Variants in SVIP observed in about 807,000 individuals in gnomAD.
The protein encoded by SVIP is small VCP interacting protein, also known as small VCP/p97-interacting protein.
Under a neutral mutation model 12.9 loss-of-function variants are expected in SVIP, and 14 were observed. The ratio of observed to expected loss-of-function variants is 1.08; its 90% CI spans 0.72 to 1.70. SVIP has a LOEUF of 1.70. SVIP is among the 40% of genes most tolerant of loss of function. SVIP has a pLI of 0.00. For synonymous variants in SVIP, 35 were observed against 33.3 expected (o/e 1.05, Z -0.17); for missense variants, 93 against 90.8 (o/e 1.02, Z -0.10).
chr11:22,829,636 A>T, intron 1 of SVIP, 59 bp downstream of exon 1: 1 of 1,509,512 alleles, frequency 6.6e-7, no homozygotes, highest in Non-Finnish European at 9.0e-7. Context: ...CCCGCCCCGC[A>T]ACCCGAGGAC....
intron 3 of SVIP, among the ~76,000 whole-genome samples, chr11:22,823,619 C>T (rs1475793963): frequency 6.6e-6 from 1 of 152,164 alleles, no homozygotes; most frequent in Non-Finnish European, 1.5e-5. Flanking sequence ...ATGTCATCAA[C>T]CCCAGGCAGT....
chr11:22,826,052 G>A (rs550945634), intron 3 of SVIP, among the ~76,000 whole-genome samples: 2 of 152,118 alleles, frequency 1.3e-5, no homozygotes, highest in East Asian at 1.9e-4. Flanking sequence ...GACCTATTCT[G>A]TTCTATTATG....
rs1857607718 is a variant in SVIP, at chr11:22,824,458, A to ATATG, written c.220-1326_220-1325insCATA. 6.1e-5 allele frequency among the ~76,000 whole-genome samples: 6 copies of ATATG among 99,154 alleles called. No individual in the cohort carries two copies. In the South Asian group the frequency reaches 1.2e-3, roughly 19 times the overall value. The allele number at this position is 99,154 out of a possible 152,430, so 65.0% of individuals were successfully genotyped here. ...TATACACACACACATATATATATAT[A>ATATG]TACACATATATATACGTATATATAT... On this transcript the variant is annotated intron_variant, in intron 3 of 3. Coordinates refer to ENST00000354193, the MANE Select transcript of SVIP (RefSeq NM_148893.3).
chr11:22,829,232 G>A (rs976299822), intron 1 of SVIP: 1 of 155,516 alleles, frequency 6.4e-6, no homozygotes, highest in Non-Finnish European at 1.4e-5. Context: ...ATAAAGCTCA[G>A]GCGTATAAGC....
In SVIP at chr11:22,822,907, G is replaced by C. The variant is rs2134745440; in HGVS notation, c.*212C>G. The C allele has an allele frequency of 2.0e-6, 1 of 494,478 alleles. No homozygotes were observed. The highest frequency in any genetic ancestry group is 2.0e-5 in the African/African-American group (1 of 50,826). The allele number at this position is 494,478 out of a possible 1,614,324, so 30.6% of individuals were successfully genotyped here. On this transcript the variant is annotated 3_prime_UTR_variant, in exon 4 of 4. Transcript: ENST00000354193. ...AGCAAATCACCCACTAACTGCAGAA[G>C]AGCAAATGTAGGAAAATCAGTATTT...
At chr11:22,829,667 G>C in intron 1 of SVIP, 28 bp downstream of exon 1, 1 of 1,567,814 alleles carries the variant, frequency 6.4e-7, no homozygotes. Context: ...GGCGCGGCCC[G>C]GCGGACGCAG....
At chr11:22,824,722 G>A (rs955049820) in intron 3 of SVIP, among the ~76,000 whole-genome samples, 2 of 151,866 alleles carry the variant, frequency 1.3e-5, no homozygotes, top group Non-Finnish European at 2.9e-5. Flanking sequence ...ATCTCTCTTA[G>A]GACAAGTGTT....
Position 22,827,324 on chromosome 11 carries a change from G to C in SVIP, c.106-4C>G, listed in dbSNP as rs747896651. 5.0e-6 allele frequency: 8 copies of C among 1,585,520 alleles called. No homozygotes were observed. The highest frequency in any genetic ancestry group is 5.1e-6 in the Non-Finnish European group (6 of 1,169,980). ...CTAAAATTCCCCGAGATGCAGCCTT[G>C]AAGAAATTTGATAAGAAAAACAGAA... On this transcript the variant is annotated splice_region_variant and splice_polypyrimidine_tract_variant and intron_variant, in intron 2 of 3. Coordinates refer to ENST00000354193, the MANE Select transcript of SVIP (RefSeq NM_148893.3).
At position 22,827,567 on chromosome 11, in the gene SVIP, C is replaced by T. The variant is rs75525085; in HGVS notation, c.106-247G>A. Among the ~76,000 whole-genome samples the T allele has an allele frequency of 3.1e-3, 466 of 152,086 alleles. 5 individuals are homozygous for T. The highest frequency in any genetic ancestry group is 0.022 in the East Asian group (112 of 5,184). On this transcript the variant is annotated intron_variant, in intron 2 of 3. Coordinates refer to ENST00000354193, the MANE Select transcript of SVIP (RefSeq NM_148893.3). ...ACATCTGTAAGTATTTTACAATGCA[C>T]AGCCATTTTAAAAGGAAGGATGTTA...
At position 22,821,113 on chromosome 11, in the gene SVIP, TAC is replaced by T. The variant is rs112854123; in HGVS notation, c.*2004_*2005del. ...TTTGCAGATATTATGTGTATATATA[TAC>T]ACACATATATAATATATATATTATA... On this transcript the variant is annotated 3_prime_UTR_variant, in exon 4 of 4. Coordinates refer to ENST00000354193, the MANE Select transcript of SVIP (RefSeq NM_148893.3). 6.8e-6 allele frequency: 1 copy of T among 147,920 alleles called. No individual in the cohort carries two copies. The highest frequency in any genetic ancestry group is 1.5e-5 in the Non-Finnish European group (1 of 67,230). 9.2% of individuals were successfully genotyped at this position (147,920 alleles called of 1,614,324 possible). A position where few individuals can be genotyped will look rare whatever the true frequency, so the allele number is the denominator to read the frequency against.
At position 22,822,365 on chromosome 11, in the gene SVIP, GATT is replaced by G. The variant is rs1857518220; in HGVS notation, c.*751_*753del. On this transcript the variant is annotated 3_prime_UTR_variant, in exon 4 of 4. Transcript: ENST00000354193. The stretch of plus-strand genomic sequence containing the variant: ...ATTACTACTCATTATAACCCATCCA[GATT>G]ATTAGTTTAACTCATTCAATTACTA... 6.6e-6 allele frequency: 1 copy of G among 152,004 alleles called. No homozygotes were observed. The highest frequency in any genetic ancestry group is 1.5e-5 in the Non-Finnish European group (1 of 67,946). 9.4% of individuals were successfully genotyped at this position (152,004 alleles called of 1,614,324 possible). A position where few individuals can be genotyped will look rare whatever the true frequency, so the allele number is the denominator to read the frequency against.
intron 1 of SVIP, chr11:22,829,422 G>T (rs918742157): frequency 2.9e-5 from 11 of 377,548 alleles, no homozygotes; most frequent in Non-Finnish European, 4.8e-5. Flanking sequence ...ATGAAGATCC[G>T]GCGCAGCTAA....
In SVIP at chr11:22,820,336, C is replaced by A. The variant is rs1442296336; in HGVS notation, c.*2783G>T. On this transcript the variant is annotated 3_prime_UTR_variant, in exon 4 of 4. Coordinates refer to ENST00000354193, the MANE Select transcript of SVIP (RefSeq NM_148893.3). ...AAAATTCAAAGTTCATGTCCATTTT[C>A]CTGGGGTACAAAGGATAGACAGAAT... is the stretch of plus-strand genomic sequence containing the variant. 2 of 152,114 alleles carry A rather than the reference C, an allele frequency of 1.3e-5. No homozygotes were observed. The highest frequency in any genetic ancestry group is 2.9e-5 in the Non-Finnish European group (2 of 68,006). The allele number at this position is 152,114 out of a possible 1,614,324, so 9.4% of individuals were successfully genotyped here.
Position 22,827,879 on chromosome 11 carries a change from A to G in SVIP, c.55-5T>C. On this transcript the variant is annotated splice_region_variant and splice_polypyrimidine_tract_variant and intron_variant, in intron 1 of 3. Coordinates refer to ENST00000354193, the MANE Select transcript of SVIP (RefSeq NM_148893.3). ...AAGCTTTGCTCTTTTCTCTTCCTAA[A>G]TAAATGTGTAAAAATATGTATTAAA... 6.4e-7 allele frequency: 1 copy of G among 1,557,604 alleles called. No homozygotes were observed. Among genetic ancestry groups the G allele is most frequent in the Non-Finnish European group, 8.7e-7 (1 of 1,150,784 alleles).
chr11:22,829,575 C>T (rs995628219), intron 1 of SVIP, 120 bp downstream of exon 1: 8 of 1,044,642 alleles, frequency 7.7e-6, no homozygotes, highest in Non-Finnish European at 1.1e-5. Flanking sequence ...TCCTCGCTAG[C>T]AGGGTCCCCC....
At chr11:22,827,950 G>A (rs1162097525) in intron 1 of SVIP, 76 bp from the exon 2 acceptor site, 3 of 1,163,980 alleles carry the variant, frequency 2.6e-6, no homozygotes, top group Non-Finnish European at 3.5e-6. Flanking sequence ...TATTTCATAG[G>A]CACTATAACA....
At chr11:22,829,634 G>A in intron 1 of SVIP, 61 bp downstream of exon 1, 1 of 1,500,922 alleles carries the variant, frequency 6.7e-7, no homozygotes, top group Non-Finnish European at 9.0e-7. Context: ...GGCCCGCCCC[G>A]CAACCCGAGG....
chr11:22,822,021 G>A lies in SVIP; in HGVS notation c.*1098C>T, dbSNP rs1857505024. ...CAAATTTTAATTTAGGGCTCAACATGTGGCCTTGCCATTTAAAAGAGCTAT... is the reference window on the plus strand; with the variant it reads ...CAAATTTTAATTTAGGGCTCAACATATGGCCTTGCCATTTAAAAGAGCTAT... On this transcript the variant is annotated 3_prime_UTR_variant, in exon 4 of 4. Coordinates refer to ENST00000354193, the MANE Select transcript of SVIP (RefSeq NM_148893.3). 6.6e-6 allele frequency: 1 copy of A among 152,122 alleles called. No individual in the cohort carries two copies. Among genetic ancestry groups the A allele is most frequent in the African/African-American group, 2.4e-5 (1 of 41,440 alleles). 9.4% of individuals were successfully genotyped at this position (152,122 alleles called of 1,614,324 possible). A position where few individuals can be genotyped will look rare whatever the true frequency, so the allele number is the denominator to read the frequency against.
chr11:22,820,742 A>C lies in SVIP; in HGVS notation c.*2377T>G, dbSNP rs917256831. ...AAACAGAAACACAGAGATGTTTTAA[A>C]AAACATGCAGCACGTTACAAAGAGG... On this transcript the variant is annotated 3_prime_UTR_variant, in exon 4 of 4. Coordinates refer to ENST00000354193, the MANE Select transcript of SVIP (RefSeq NM_148893.3). The C allele has an allele frequency of 4.6e-5, 7 of 152,238 alleles. No individual in the cohort carries two copies. Among genetic ancestry groups the C allele is most frequent in the African/African-American group, 9.6e-5 (4 of 41,454 alleles). 9.4% of individuals were successfully genotyped at this position (152,238 alleles called of 1,614,324 possible).
Sources: gnomAD v4.1 joint callset for allele counts (sites outside exome capture counted in the v4.1 genomes callset) on GRCh38, gnomAD v4.1.1 for gene constraint, MANE v1.5 for transcripts, NCBI Gene and HGNC (gene_info 2026-07-23, HGNC 2026-07-21) for gene names.